SYT1: variants seen among roughly 807,000 people sequenced by gnomAD.
SYT1 encodes the protein synaptotagmin-1.
Under a neutral mutation model 44.8 loss-of-function variants are expected in SYT1, and 8 were observed. That is an observed-to-expected ratio of 0.18 (90% CI 0.10 to 0.32). The LOEUF (loss-of-function observed/expected upper bound fraction) is 0.32, where lower values mean the gene tolerates loss of function less well. Ranked by LOEUF, SYT1 falls within the 10% of genes least tolerant of loss-of-function variation. The probability of loss-of-function intolerance (pLI) is 1.00; values close to 1 mark genes in which losing one functional copy is unlikely to be tolerated. For missense variants in SYT1, 286 were observed against 509.3 expected, an observed-to-expected ratio of 0.56 and a Z score of 4.22; for synonymous variants, 154 against 188.8, an observed-to-expected ratio of 0.82 and a Z score of 1.51.
At chr12:78,885,742 T>A (rs1357604522) in intron 1 of SYT1, among the ~76,000 whole-genome samples, 1 of 151,972 alleles carries the variant, frequency 6.6e-6, no homozygotes, top group Non-Finnish European at 1.5e-5. Flanking sequence ...ACTATGGTTT[T>A]TATTTGGAAT....
intron 9 of SYT1, among the ~76,000 whole-genome samples, chr12:79,432,986 C>A (rs908613878): frequency 3.3e-5 from 5 of 152,056 alleles, no homozygotes; most frequent in Non-Finnish European, 7.4e-5. Context: ...ATTACCCAAC[C>A]CCCTAGGAAA....
intron 9 of SYT1, among the ~76,000 whole-genome samples, chr12:79,359,375 C>T (rs1398342353): frequency 1.3e-5 from 2 of 152,158 alleles, no homozygotes; most frequent in East Asian, 3.9e-4. Context: ...GTCCCTTTCA[C>T]TCTGTGTTCT....
chr12:79,290,087 A>C (rs963376809), intron 5 of SYT1, among the ~76,000 whole-genome samples: 1 of 152,204 alleles, frequency 6.6e-6, no homozygotes, highest in Non-Finnish European at 1.5e-5. Flanking sequence ...AGTGGTTTGT[A>C]GCTAACCAAA....
chr12:78,927,619 T>A (rs1361520340), intron 1 of SYT1, among the ~76,000 whole-genome samples: 1 of 152,102 alleles, frequency 6.6e-6, no homozygotes, highest in Non-Finnish European at 1.5e-5. Flanking sequence ...GAAGAGGAAA[T>A]TATCCTAATG....
intron 2 of SYT1, among the ~76,000 whole-genome samples, chr12:79,032,208 G>T (rs1044883731): frequency 6.6e-6 from 1 of 151,074 alleles, no homozygotes; most frequent in African/African-American, 2.4e-5. Context: ...TATTTATTTA[G>T]AACCTTATAT....
At chr12:79,171,938 C>G (rs1871551031) in intron 3 of SYT1, among the ~76,000 whole-genome samples, 1 of 151,896 alleles carries the variant, frequency 6.6e-6, no homozygotes, top group African/African-American at 2.4e-5. Flanking sequence ...CCAATAAGTA[C>G]TAGTTATTGT....
intron 1 of SYT1, among the ~76,000 whole-genome samples, chr12:78,894,195 C>T (rs17045878): frequency 0.068 from 10,342 of 151,398 alleles, 490 homozygotes; most frequent in South Asian, 0.22. Flanking sequence ...CACTGAAATC[C>T]TTCCTAGCAG....
intron 3 of SYT1, among the ~76,000 whole-genome samples, chr12:79,110,960 G>A (rs1878979215): frequency 6.6e-6 from 1 of 152,116 alleles, no homozygotes; most frequent in Non-Finnish European, 1.5e-5. Flanking sequence ...AAGTGATGAA[G>A]TTGGATTATG....
intron 1 of SYT1, among the ~76,000 whole-genome samples, chr12:78,947,289 T>A (rs1015173580): frequency 1.3e-5 from 2 of 152,262 alleles, no homozygotes; most frequent in South Asian, 4.1e-4. Flanking sequence ...TGAAGGTATT[T>A]TTACATTGAA....
At chr12:79,059,519 T>C (rs966284665) in intron 3 of SYT1, among the ~76,000 whole-genome samples, 1 of 152,160 alleles carries the variant, frequency 6.6e-6, no homozygotes, top group Non-Finnish European at 1.5e-5. Flanking sequence ...ACATTCCTTA[T>C]ACCTGGCCAC....
chr12:79,090,813 T>G (rs1232152010), intron 3 of SYT1, among the ~76,000 whole-genome samples: 1 of 152,018 alleles, frequency 6.6e-6, no homozygotes, highest in East Asian at 1.9e-4. Context: ...GAATGCACTG[T>G]GAACAAAGGC....
At chr12:79,435,416 A>G (rs1326486885) in intron 9 of SYT1, among the ~76,000 whole-genome samples, 1 of 152,020 alleles carries the variant, frequency 6.6e-6, no homozygotes, top group African/African-American at 2.4e-5. Context: ...CTATCCTCCC[A>G]CCTCTGCCTC....
At chr12:78,871,952 A>G (rs190376173) in intron 1 of SYT1, among the ~76,000 whole-genome samples, 2 of 152,020 alleles carry the variant, frequency 1.3e-5, no homozygotes, top group East Asian at 3.9e-4. Context: ...TTAAATATGT[A>G]TAAACCAGAT....
In SYT1 at chr12:78,943,556, C is replaced by T. The variant is rs376814763; in HGVS notation, c.-216-34243C>T. ...TCTGCCCCCATGATCTAGTCATCTC[C>T]CACCAGGCCCCCTCTTTAACACTGG... On this transcript the variant is annotated intron_variant, in intron 1 of 10. Transcript: ENST00000261205. Among the ~76,000 whole-genome samples, 29 of 152,184 alleles carry T rather than the reference C, an allele frequency of 1.9e-4. 1 individual carries two copies. Among genetic ancestry groups the T allele is most frequent in the African/African-American group, 7.0e-4 (29 of 41,532 alleles).
chr12:79,109,521 G>T (rs1366169051), intron 3 of SYT1, among the ~76,000 whole-genome samples: 5 of 152,098 alleles, frequency 3.3e-5, no homozygotes, highest in Admixed American at 6.6e-5. Flanking sequence ...GAGCCAAAAG[G>T]TTCTCAACTC....
intron 1 of SYT1, among the ~76,000 whole-genome samples, chr12:78,905,487 C>T (rs1875925298): frequency 6.6e-6 from 1 of 152,074 alleles, no homozygotes; most frequent in Non-Finnish European, 1.5e-5. Flanking sequence ...CTTGAACACT[C>T]ACTAATATCA....
intron 2 of SYT1, among the ~76,000 whole-genome samples, chr12:79,028,926 G>A (rs1055950569): frequency 6.6e-6 from 1 of 151,164 alleles, no homozygotes; most frequent in Non-Finnish European, 1.5e-5. Context: ...ATTCAAGGTG[G>A]AATAATAACA....
chr12:79,296,107 C>T lies in SYT1; in HGVS notation c.513C>T (p.Ala171=), dbSNP rs1357400226. 6.2e-7 allele frequency: 1 copy of T among 1,613,432 alleles called. No individual in the cohort carries two copies. The highest frequency in any genetic ancestry group is 1.3e-5 in the African/African-American group (1 of 74,962). Residue 171 remains alanine, a synonymous_variant, in exon 7 of 11, where the codon GCC becomes GCT. Transcript: ENST00000261205. ...VGIIQAAELP[A]LDMGGTSDPY... ...TCATTCAGGCTGCCGAACTGCCCGC[C>T]TTGGACATGGGGGGCACATCTGATC...
At chr12:79,213,296 ACTC>A (rs962646324) in intron 3 of SYT1, among the ~76,000 whole-genome samples, 11 of 152,040 alleles carry the variant, frequency 7.2e-5, no homozygotes, top group African/African-American at 2.7e-4. Flanking sequence ...GTATCCAAAA[ACTC>A]CTCCAAAAAA....
Sources: allele counts gnomAD v4.1 joint callset (sites outside exome capture counted in the v4.1 genomes callset), GRCh38; gene constraint gnomAD v4.1.1; transcripts MANE v1.5; gene names NCBI Gene and HGNC (gene_info 2026-07-23, HGNC 2026-07-21).